The following CD163L1 variants were observed in gnomAD, a reference collection of about 807,000 sequenced individuals.
CD163L1 encodes the protein scavenger receptor cysteine-rich type 1 protein M160.
Under a neutral mutation model 165.4 loss-of-function variants are expected in CD163L1, and 124 were observed. That is an observed-to-expected ratio of 0.75 (90% CI 0.65 to 0.87). The LOEUF is 0.87. CD163L1 is among the 40% of genes least tolerant of loss of function. CD163L1 has a pLI of 0.00. For synonymous variants in CD163L1, 585 were observed against 662.2 expected (o/e 0.88, Z 1.79); for missense variants, 1,525 against 1,799.9 (o/e 0.85, Z 2.76).
Position 7,400,797 on chromosome 12 carries a change from A to G in CD163L1, c.1409-2213T>C, listed in dbSNP as rs1208322989. ...TGAAAAATAAGAATACTTAGGCAAT[A>G]TATATCTCAGTAGGTATTAGCCTAT... is the stretch of plus-strand genomic sequence containing the variant. On this transcript the variant is annotated intron_variant, in intron 6 of 19. Coordinates refer to ENST00000313599, the MANE Select transcript of CD163L1 (RefSeq NM_174941.6). This position sits in a 1 kb window ranked among gnomAD's most constrained non-coding sequence, Gnocchi z 4.1. Among the ~76,000 whole-genome samples, 2 of 152,236 alleles carry G rather than the reference A, an allele frequency of 1.3e-5. No homozygotes were observed. Among genetic ancestry groups the G allele is most frequent in the Non-Finnish European group, 1.5e-5 (1 of 68,032 alleles).
intron 8 of CD163L1, among the ~76,000 whole-genome samples, chr12:7,380,372 T>TATATGTATGTGTGTATACGCGTATACAC (rs1947368558): frequency 6.9e-6 from 1 of 145,240 alleles, no homozygotes. Flanking sequence ...CGCGTATACA[T>TATATGTATGTGTGTATACGCGTATACAC]ACATGTATGT....
chr12:7,368,808 G>A lies in CD163L1; in HGVS notation c.4072+125C>T, dbSNP rs745717787. The stretch of plus-strand genomic sequence containing the variant: ...CAGAGCTATTGATACCACTGGCTGC[G>A]ACCCACAGACTCATATTTCTGCAGT... On this transcript the variant is annotated intron_variant, in intron 16 of 19. Coordinates refer to ENST00000313599, the MANE Select transcript of CD163L1 (RefSeq NM_174941.6). The surrounding 1 kb of genome is among the most constrained non-coding windows in gnomAD (Gnocchi z 4.3). The A allele has an allele frequency of 2.8e-5, 29 of 1,041,518 alleles. No homozygotes were observed. The highest frequency in any genetic ancestry group is 2.4e-4 in the African/African-American group (15 of 63,308). The allele number at this position is 1,041,518 out of a possible 1,614,324, so 64.5% of individuals were successfully genotyped here.
At chr12:7,404,908 T>C (rs1438102398) in intron 5 of CD163L1, among the ~76,000 whole-genome samples, 1 of 152,174 alleles carries the variant, frequency 6.6e-6, no homozygotes, top group African/African-American at 2.4e-5. Context: ...GATTGATTTA[T>C]ACAGGGTCAC....
chr12:7,330,930 C>T, the CD163L1 span, among the ~76,000 whole-genome samples: 2 of 152,162 alleles, frequency 1.3e-5, no homozygotes, highest in Non-Finnish European at 2.9e-5. Context: ...GAGTGCTGGA[C>T]AGTGGGTGCA....
intron 4 of CD163L1, among the ~76,000 whole-genome samples, chr12:7,416,969 C>T (rs1307749925): frequency 6.6e-6 from 1 of 152,050 alleles, no homozygotes; most frequent in Admixed American, 6.6e-5. Flanking sequence ...GCAATGGTAG[C>T]TTGATGGGGA....
chr12:7,337,094 T>C, the CD163L1 span, among the ~76,000 whole-genome samples: 4,030 of 152,258 alleles, frequency 0.026, 353 homozygotes, highest in East Asian at 0.32. Flanking sequence ...TTAATAATGA[T>C]GTTGGGAAAA....
At chr12:7,406,393 A>G in intron 5 of CD163L1, 139 bp downstream of exon 5, 2 of 739,070 alleles carry the variant, frequency 2.7e-6, no homozygotes, top group East Asian at 2.7e-5. Flanking sequence ...TGAAAGTGTC[A>G]ATTCTTACAC....
At chr12:7,323,624 G>A in the CD163L1 span, 58 of 1,417,926 alleles carry the variant, frequency 4.1e-5, no homozygotes, top group Admixed American at 4.9e-4. Flanking sequence ...CATTTCCACC[G>A]TGTCTTGCTA....
chr12:7,345,714 G>A (rs143686989), downstream of CD163L1, among the ~76,000 whole-genome samples: 392 of 152,320 alleles, frequency 2.6e-3, 4 homozygotes, highest in African/African-American at 8.4e-3. Context: ...GAAATACAGA[G>A]GCTGGGTAAT....
intron 14 of CD163L1, among the ~76,000 whole-genome samples, chr12:7,370,652 C>T (rs769082791): frequency 1.3e-5 from 2 of 152,096 alleles, no homozygotes; most frequent in Non-Finnish European, 2.9e-5. Flanking sequence ...TTCACATGCA[C>T]CCTTTAAAAA....
At chr12:7,361,630 C>T (rs1946893897) in intron 18 of CD163L1, among the ~76,000 whole-genome samples, 1 of 152,238 alleles carries the variant, frequency 6.6e-6, no homozygotes, top group African/African-American at 2.4e-5. Context: ...ATTTCCCTTC[C>T]CCTGTCCTCT....
intron 2 of CD163L1, chr12:7,439,780 T>A: frequency 1.2e-6 from 2 of 1,613,764 alleles, no homozygotes; most frequent in South Asian, 1.1e-5. Context: ...TTCACCCCCC[T>A]CGATCTTTAT....
At chr12:7,422,158 G>A (rs1345873319) in intron 4 of CD163L1, among the ~76,000 whole-genome samples, 2 of 152,114 alleles carry the variant, frequency 1.3e-5, no homozygotes, top group East Asian at 1.9e-4. Flanking sequence ...AGGGTCTGGA[G>A]TGGAGCCCAA....
intron 4 of CD163L1, among the ~76,000 whole-genome samples, chr12:7,407,551 TTGAC>T (rs1565800919): frequency 6.6e-6 from 1 of 151,454 alleles, no homozygotes; most frequent in African/African-American, 2.4e-5. Context: ...CTTAGCAAAA[TTGAC>T]CACTACGTAT....
intron 8 of CD163L1, among the ~76,000 whole-genome samples, chr12:7,385,453 T>G (rs1405878793): frequency 6.6e-6 from 1 of 151,998 alleles, no homozygotes. Flanking sequence ...ACATATCATC[T>G]AGACAGAAAA....
At chr12:7,363,273 C>A (rs1946944533) in intron 18 of CD163L1, among the ~76,000 whole-genome samples, 1 of 151,864 alleles carries the variant, frequency 6.6e-6, no homozygotes, top group African/African-American at 2.4e-5. Context: ...TGTACCCCTG[C>A]ACTCTAGCAT....
At chr12:7,436,545 G>C (rs1418754746) in intron 2 of CD163L1, among the ~76,000 whole-genome samples, 1 of 152,114 alleles carries the variant, frequency 6.6e-6, no homozygotes, top group Non-Finnish European at 1.5e-5. Context: ...GCAGAGGTGG[G>C]AGGACTGCTT....
chr12:7,385,115 A>G (rs1947489521), intron 8 of CD163L1, among the ~76,000 whole-genome samples: 1 of 152,050 alleles, frequency 6.6e-6, no homozygotes, highest in African/African-American at 2.4e-5. Flanking sequence ...AACTGACTTC[A>G]ACTGTGAAAA....
intron 4 of CD163L1, among the ~76,000 whole-genome samples, chr12:7,410,095 TAATTA>T (rs1948103870): frequency 6.6e-6 from 1 of 152,058 alleles, no homozygotes; most frequent in Non-Finnish European, 1.5e-5. Flanking sequence ...AAAAATACAG[TAATTA>T]AATTAATAAC....
Sources: allele counts gnomAD v4.1 joint callset (sites outside exome capture counted in the v4.1 genomes callset), GRCh38; gene constraint gnomAD v4.1.1; non-coding constraint Gnocchi (gnomAD v3.1); transcripts MANE v1.5; gene names NCBI Gene and HGNC (gene_info 2026-07-23, HGNC 2026-07-21).